FAM3D: variants seen among roughly 807,000 people sequenced by gnomAD.
FAM3D encodes protein FAM3D.
In FAM3D, 26 loss-of-function variants were observed where a neutral mutation model predicts 29.8. The ratio of observed to expected loss-of-function variants is 0.87; its 90% CI spans 0.64 to 1.21. FAM3D has a LOEUF of 1.21. Among genes scored for constraint, FAM3D ranks in the 50% most tolerant of loss-of-function variants. The pLI, the probability that FAM3D is intolerant of heterozygous loss-of-function variation, is 0.00. For synonymous variants in FAM3D, 115 were observed against 102.3 expected, an observed-to-expected ratio of 1.12 and a Z score of -0.75; for missense variants, 253 against 290.9, an observed-to-expected ratio of 0.87 and a Z score of 0.95.
chr3:58,665,034 GT>G (rs2067003996), intron 1 of FAM3D, among the ~76,000 whole-genome samples: 1 of 152,234 alleles, frequency 6.6e-6, no homozygotes, highest in Non-Finnish European at 1.5e-5. Flanking sequence ...CAATGAGGAA[GT>G]TAGGCCCCTG....
At chr3:58,649,175 G>A (rs2066558045) in intron 4 of FAM3D, 140 bp downstream of exon 4, 3 of 1,051,212 alleles carry the variant, frequency 2.9e-6, no homozygotes, top group Non-Finnish European at 2.7e-6. Context: ...GAGAGGACTG[G>A]GAAGAATCAG....
At chr3:58,646,304 C>T (rs935658509) in intron 4 of FAM3D, among the ~76,000 whole-genome samples, 1 of 152,218 alleles carries the variant, frequency 6.6e-6, no homozygotes, top group Admixed American at 6.5e-5. Flanking sequence ...GAGCTCAGCA[C>T]GGTGTTGGGA....
At chr3:58,644,774 A>G (rs9823117) in intron 5 of FAM3D, among the ~76,000 whole-genome samples, 69,010 of 151,586 alleles carry the variant, frequency 0.46, 16,980 homozygotes, top group South Asian at 0.61. Flanking sequence ...TGCAAGTAGA[A>G]AAAAAAAAGC....
At chr3:58,654,875 C>T (rs2066746949) in intron 2 of FAM3D, among the ~76,000 whole-genome samples, 1 of 152,228 alleles carries the variant, frequency 6.6e-6, no homozygotes, top group South Asian at 2.1e-4. Flanking sequence ...AGCTCATGTT[C>T]ACCCAGCACT....
Position 58,655,777 on chromosome 3 carries a change from T to A in FAM3D, c.-38-176A>T, listed in dbSNP as rs113369266. ...TCCTCCTTTCCTGTCTGCCTCCATG[T>A]CTCCTTCACTCTTGCCCCTGGAGTT... On this transcript the variant is annotated intron_variant, in intron 1 of 9. Coordinates refer to ENST00000358781, the MANE Select transcript of FAM3D (RefSeq NM_138805.3). Among the ~76,000 whole-genome samples the A allele has an allele frequency of 2.2e-3, 338 of 152,302 alleles. 1 individual carries two copies. The highest frequency in any genetic ancestry group is 3.8e-3 in the Non-Finnish European group (258 of 68,018).
intron 8 of FAM3D, 69 bp downstream of exon 8, chr3:58,637,072 G>C: frequency 1.5e-6 from 2 of 1,321,750 alleles, no homozygotes; most frequent in South Asian, 1.2e-5. Context: ...AGCAGAAAAG[G>C]GTGTGCAGGG....
intron 1 of FAM3D, among the ~76,000 whole-genome samples, chr3:58,664,178 C>T (rs1420761217): frequency 6.6e-6 from 1 of 152,162 alleles, no homozygotes; most frequent in African/African-American, 2.4e-5. Flanking sequence ...GATGATAAGA[C>T]CTCCCATGCA....
intron 3 of FAM3D, among the ~76,000 whole-genome samples, chr3:58,650,589 T>C (rs1476009590): frequency 6.6e-6 from 1 of 152,152 alleles, no homozygotes; most frequent in Non-Finnish European, 1.5e-5. Context: ...AGACCAGCTC[T>C]GGGGACTTCA....
At chr3:58,637,082 G>C in intron 8 of FAM3D, 59 bp downstream of exon 8, 1 of 1,442,596 alleles carries the variant, frequency 6.9e-7, no homozygotes. Context: ...GGTGTGCAGG[G>C]TTTGAAGGTA....
intron 4 of FAM3D, 149 bp downstream of exon 4, chr3:58,649,166 A>G: frequency 1.0e-6 from 1 of 958,160 alleles, no homozygotes; most frequent in East Asian, 2.6e-5. Flanking sequence ...CCATGGGAGG[A>G]GAGGACTGGG....
At chr3:58,636,199 T>G (rs1362517661) in intron 9 of FAM3D, 95 bp downstream of exon 9, 2 of 1,504,908 alleles carry the variant, frequency 1.3e-6, no homozygotes, top group Non-Finnish European at 1.8e-6. Context: ...CCTCCCAATT[T>G]TAAGGCCCCT....
chr3:58,661,502 C>T (rs574715741), intron 1 of FAM3D, among the ~76,000 whole-genome samples: 3 of 152,288 alleles, frequency 2.0e-5, no homozygotes, highest in African/African-American at 4.8e-5. Flanking sequence ...GAAGGTGCCA[C>T]GCTCAGTACC....
Position 58,634,195 on chromosome 3 carries a change from C to T in FAM3D, c.*84G>A. Reference sequence around the variant, plus strand: ...CTTCCACGCAGCACCCCCTGCTCCTCCTCCTCAGCCCCTGCCGGGCTCTGA... The same window carrying T: ...CTTCCACGCAGCACCCCCTGCTCCTTCTCCTCAGCCCCTGCCGGGCTCTGA... On this transcript the variant is annotated 3_prime_UTR_variant, in exon 10 of 10. Transcript: ENST00000358781. This position sits in a 1 kb window ranked among gnomAD's most constrained non-coding sequence, Gnocchi z 4.6. The T allele has an allele frequency of 2.3e-6, 3 of 1,285,914 alleles. No individual in the cohort carries two copies. Among genetic ancestry groups the T allele is most frequent in the East Asian group, 2.3e-5 (1 of 43,112 alleles). The allele number at this position is 1,285,914 out of a possible 1,614,324, so 79.7% of individuals were successfully genotyped here. A position where few individuals can be genotyped will look rare whatever the true frequency, so the allele number is the denominator to read the frequency against.
chr3:58,658,087 C>T (rs982894676), intron 1 of FAM3D, among the ~76,000 whole-genome samples: 4 of 152,116 alleles, frequency 2.6e-5, no homozygotes. Flanking sequence ...CAAGCCACCC[C>T]GTTCCTCCCA....
At chr3:58,641,187 G>A (rs923185163) in intron 6 of FAM3D, among the ~76,000 whole-genome samples, 2 of 152,152 alleles carry the variant, frequency 1.3e-5, no homozygotes, top group African/African-American at 4.8e-5. Context: ...TGATTTGTTG[G>A]GCTTCCCCAC....
chr3:58,660,957 C>T (rs1448603476), intron 1 of FAM3D, among the ~76,000 whole-genome samples: 1 of 152,160 alleles, frequency 6.6e-6, no homozygotes, highest in Non-Finnish European at 1.5e-5. Context: ...CAGGAGACCA[C>T]ACATTCTTAA....
intron 8 of FAM3D, 110 bp downstream of exon 8, chr3:58,637,031 A>AT: frequency 1.1e-6 from 1 of 882,768 alleles, no homozygotes; most frequent in South Asian, 1.5e-5. Flanking sequence ...TTTCCTCGAG[A>AT]TAAGTTGCCA....
At chr3:58,646,989 C>T (rs554285387) in intron 4 of FAM3D, among the ~76,000 whole-genome samples, 1 of 152,198 alleles carries the variant, frequency 6.6e-6, no homozygotes, top group Non-Finnish European at 1.5e-5. Flanking sequence ...TCTGGAGGGG[C>T]ACAACCCACT....
intron 7 of FAM3D, 44 bp from the exon 8 acceptor site, chr3:58,637,269 G>C: frequency 6.6e-7 from 1 of 1,525,584 alleles, no homozygotes; most frequent in Non-Finnish European, 9.0e-7. Context: ...GGGGAAATGA[G>C]CCCTGGTCAT....
Sources: allele counts gnomAD v4.1 joint callset (sites outside exome capture counted in the v4.1 genomes callset), GRCh38; gene constraint gnomAD v4.1.1; non-coding constraint Gnocchi (gnomAD v3.1); transcripts MANE v1.5; gene names NCBI Gene and HGNC (gene_info 2026-07-23, HGNC 2026-07-21).